Variants in RIPOR3 observed in about 807,000 individuals in gnomAD.
RIPOR3 encodes family with sequence similarity 65 member C.
In RIPOR3, 95 loss-of-function variants were observed where a neutral mutation model predicts 114.3. That is an observed-to-expected ratio of 0.83 (90% CI 0.70 to 0.99). The LOEUF (loss-of-function observed/expected upper bound fraction) is 0.99. Ranked by LOEUF, RIPOR3 falls within the 50% of genes least tolerant of loss-of-function variation. The pLI, the probability that RIPOR3 is intolerant of heterozygous loss-of-function variation, is 0.00. For synonymous variants in RIPOR3, 575 were observed against 543.8 expected, an observed-to-expected ratio of 1.06 and a Z score of -0.80; for missense variants, 1,252 against 1,266.9, an observed-to-expected ratio of 0.99 and a Z score of 0.18.
At position 50,593,216 on chromosome 20, in the gene RIPOR3, C is replaced by G; in HGVS notation, c.2213-20G>C. 6.2e-7 allele frequency: 1 copy of G among 1,605,792 alleles called. No homozygotes were observed. The highest frequency in any genetic ancestry group is 1.1e-5 in the South Asian group (1 of 90,912). ...GGCACGCTGGCCAAAGGGGAGAGTACATCAGGAGAAACTGAGACCTCGACC... is the reference window on the plus strand; with the variant it reads ...GGCACGCTGGCCAAAGGGGAGAGTAGATCAGGAGAAACTGAGACCTCGACC... On this transcript the variant is annotated intron_variant, in intron 17 of 21. Coordinates refer to ENST00000327979, the MANE Select transcript of RIPOR3 (RefSeq NM_001290268.2).
rs1341107234 is a variant in RIPOR3, at chr20:50,597,578, ACCGGAGACC to A, written c.1783_1790+1del. On this transcript the variant is annotated splice_donor_variant and coding_sequence_variant, in exon 14 of 22. Transcript: ENST00000327979. LOFTEE classifies it high-confidence loss of function. ...GTCACTGCTGGAAGGAGGTGCACTC[ACCGGAGACC>A]CTGGGAGCCCCCAAACAGGGACAGC... 1 of 1,603,152 alleles carries A rather than the reference ACCGGAGACC, an allele frequency of 6.2e-7. No individual in the cohort carries two copies.
At chr20:50,674,354 T>G (rs2086621591) in intron 1 of RIPOR3, among the ~76,000 whole-genome samples, 1 of 151,968 alleles carries the variant, frequency 6.6e-6, no homozygotes, top group Admixed American at 6.6e-5. Flanking sequence ...GAGATAATCC[T>G]GGGACCTATT....
chr20:50,620,836 C>A, intron 2 of RIPOR3: 1 of 889,458 alleles, frequency 1.1e-6, no homozygotes, highest in Non-Finnish European at 1.8e-6. Flanking sequence ...AGCCCAGGCA[C>A]AGCCGCTGCA....
chr20:50,594,399 G>A (rs1204510368), intron 17 of RIPOR3, among the ~76,000 whole-genome samples, 154 bp downstream of exon 17: 2 of 152,066 alleles, frequency 1.3e-5, no homozygotes, highest in Admixed American at 6.5e-5. Flanking sequence ...GCGGTGACTC[G>A]CACTGAAGCT....
At chr20:50,655,106 G>A (rs1248561158) in intron 1 of RIPOR3, among the ~76,000 whole-genome samples, 2 of 152,240 alleles carry the variant, frequency 1.3e-5, no homozygotes, top group African/African-American at 4.8e-5. Flanking sequence ...CCTGGGTAGC[G>A]AAGCTCCCGC....
At chr20:50,631,318 A>C (rs542965775) in intron 1 of RIPOR3, among the ~76,000 whole-genome samples, 1 of 152,208 alleles carries the variant, frequency 6.6e-6, no homozygotes, top group Admixed American at 6.5e-5. Flanking sequence ...TACAGAGTCC[A>C]TGCTGGAGTT....
At chr20:50,649,279 T>C (rs544414633) in intron 1 of RIPOR3, among the ~76,000 whole-genome samples, 32 of 152,294 alleles carry the variant, frequency 2.1e-4, no homozygotes, top group Non-Finnish European at 2.4e-4. Flanking sequence ...ACCCCGTCTC[T>C]ACTAAAAATA....
chr20:50,602,837 G>A lies in RIPOR3; in HGVS notation c.1087-193C>T, dbSNP rs772461367. On this transcript the variant is annotated intron_variant, in intron 12 of 21. Transcript: ENST00000327979. This position sits in a 1 kb window ranked among gnomAD's most constrained non-coding sequence, Gnocchi z 4.3. The stretch of plus-strand genomic sequence containing the variant: ...CCTCTCTGCACTTATCCCCCATCCC[G>A]CCTCCAACTCACTCCCCCCAACCTC... 3.2e-4 allele frequency among the ~76,000 whole-genome samples: 48 copies of A among 152,046 alleles called. No homozygotes were observed. Among genetic ancestry groups the A allele is most frequent in the African/African-American group, 9.2e-4 (38 of 41,494 alleles).
intron 1 of RIPOR3, among the ~76,000 whole-genome samples, chr20:50,668,914 A>G (rs889459407): frequency 1.3e-5 from 2 of 151,906 alleles, no homozygotes; most frequent in Admixed American, 6.6e-5. Context: ...CACACACCAC[A>G]CATGGCTCAT....
chr20:50,672,222 A>G (rs911527081), intron 1 of RIPOR3, among the ~76,000 whole-genome samples: 1 of 152,140 alleles, frequency 6.6e-6, no homozygotes, highest in African/African-American at 2.4e-5. Flanking sequence ...GCCCCTCACC[A>G]AGGTGAAGCT....
intron 1 of RIPOR3, among the ~76,000 whole-genome samples, chr20:50,632,362 C>A (rs891848825): frequency 8.5e-5 from 13 of 152,184 alleles, no homozygotes; most frequent in African/African-American, 2.7e-4. Flanking sequence ...GTCCCGAGAG[C>A]CCACAGTGTG....
intron 2 of RIPOR3, among the ~76,000 whole-genome samples, chr20:50,622,692 CAG>C (rs139986638): frequency 9.3e-4 from 138 of 148,704 alleles, no homozygotes; most frequent in Admixed American, 9.4e-4. Context: ...CTCTGGACTG[CAG>C]AGAGAGAGAG....
In RIPOR3 at chr20:50,626,907, G is replaced by T. The variant is rs73615308; in HGVS notation, c.122+3831C>A. 2.0e-5 allele frequency among the ~76,000 whole-genome samples: 3 copies of T among 151,720 alleles called. No individual in the cohort carries two copies. In the South Asian group the frequency reaches 6.3e-4, roughly 32 times the overall value. On this transcript the variant is annotated intron_variant, in intron 2 of 21. Transcript: ENST00000327979. ...CACATGCCTGTGATCCCAGCTACTC[G>T]GGAGGCTGAGGCAGGAGAATCACTT...
intron 13 of RIPOR3, among the ~76,000 whole-genome samples, chr20:50,601,160 G>A (rs2083479674): frequency 6.6e-6 from 1 of 152,010 alleles, no homozygotes; most frequent in Non-Finnish European, 1.5e-5. Context: ...CAGGCCAGGT[G>A]CAGTGGCTCA....
At chr20:50,689,735 G>C (rs1345006780) in intron 1 of RIPOR3, among the ~76,000 whole-genome samples, 1 of 152,200 alleles carries the variant, frequency 6.6e-6, no homozygotes, top group Non-Finnish European at 1.5e-5. Context: ...GACTGGGGGG[G>C]CTTCTGGACA....
Position 50,608,429 on chromosome 20 carries a change from C to T in RIPOR3, c.916G>A (p.Glu306Lys), listed in dbSNP as rs555386385. ...RPQVIVVDIT[E>K]LGTIKLQLEV... is the part of the protein sequence containing the mutation. ...AGCTGCAGCTTGATGGTACCCAACTCCGTGATGTCCACCACGATGACCTGC... is the reference window on the plus strand; with the variant it reads ...AGCTGCAGCTTGATGGTACCCAACTTCGTGATGTCCACCACGATGACCTGC... The change falls in exon 11 of 22, where the codon GAG (glutamate) becomes AAG (lysine). Residue 306 changes from glutamate (E) to lysine (K), a missense_variant. Coordinates refer to ENST00000327979, the MANE Select transcript of RIPOR3 (RefSeq NM_001290268.2). 12 of 1,614,046 alleles carry T rather than the reference C, an allele frequency of 7.4e-6. No homozygotes were observed. The South Asian group carries it at 1.3e-4, about 18-fold the overall frequency.
intron 1 of RIPOR3, among the ~76,000 whole-genome samples, chr20:50,642,987 G>A (rs1013738667): frequency 1.3e-5 from 2 of 152,048 alleles, no homozygotes; most frequent in Non-Finnish European, 2.9e-5. Flanking sequence ...GGCAGAGGTT[G>A]CGGTGAGCCG....
At position 50,596,281 on chromosome 20, in the gene RIPOR3, C is replaced by CTGGG. The variant is rs771258806; in HGVS notation, c.1791-22_1791-19dup. On this transcript the variant is annotated intron_variant, in intron 14 of 21. Transcript: ENST00000327979. ...GGTCCTTTCTGAGTTGAATTGAGAA[C>CTGGG]TGGGTGACCATTCCAGTTAGCAGTT... 1 of 1,613,958 alleles carries CTGGG rather than the reference C, an allele frequency of 6.2e-7. No homozygotes were observed. The highest frequency in any genetic ancestry group is 1.1e-5 in the South Asian group (1 of 91,074).
intron 1 of RIPOR3, among the ~76,000 whole-genome samples, chr20:50,663,942 T>G (rs1408676731): frequency 8.0e-6 from 1 of 125,470 alleles, no homozygotes; most frequent in Non-Finnish European, 1.8e-5. Flanking sequence ...TTTTTTTTTT[T>G]TGAGATGGAG....
Sources: gnomAD v4.1 joint callset for allele counts (sites outside exome capture counted in the v4.1 genomes callset) on GRCh38, gnomAD v4.1.1 for gene constraint, Gnocchi (gnomAD v3.1) non-coding constraint, MANE v1.5 for transcripts, NCBI Gene and HGNC (gene_info 2026-07-23, HGNC 2026-07-21) for gene names.